CPM: variants seen among roughly 807,000 people sequenced by gnomAD.
The protein encoded by CPM is renal carboxypeptidase.
In CPM, 35 loss-of-function variants were observed where a neutral mutation model predicts 46.4. The observed-to-expected ratio is 0.75, with a 90% CI of 0.58 to 1.00. The LOEUF (loss-of-function observed/expected upper bound fraction) is 1.00. CPM is among the 50% of genes least tolerant of loss of function. The pLI, the probability that CPM is intolerant of heterozygous loss-of-function variation, is 0.00. For missense variants in CPM, 422 were observed against 530.4 expected, an observed-to-expected ratio of 0.80 and a Z score of 2.01; for synonymous variants, 195 against 195.3, an observed-to-expected ratio of 1.00 and a Z score of 0.01.
intron 3 of CPM, among the ~76,000 whole-genome samples, chr12:68,882,051 T>A (rs1428423679): frequency 1.4e-5 from 2 of 141,842 alleles, no homozygotes; most frequent in Non-Finnish European, 3.1e-5. Context: ...TTTTTTAACA[T>A]TTATTTTAAA....
At position 68,870,282 on chromosome 12, in the gene CPM, A is replaced by T; in HGVS notation, c.549T>A (p.Phe183Leu). 6.2e-7 allele frequency: 1 copy of T among 1,614,244 alleles called. No homozygotes were observed. Residue 183 changes from phenylalanine (F) to leucine (L), a missense_variant, in exon 5 of 9, where the codon TTT becomes TTA. Coordinates refer to ENST00000551568, the MANE Select transcript of CPM (RefSeq NM_198320.5). ...CACCATGGAGGTTTGCAGAGAGGAC[A>T]AACGTCTCTGTTTTCAGCCACTTCA... ...AVMKWLKTET[F>L]VLSANLHGGA... is the part of the protein sequence containing the mutation.
At chr12:68,909,124 G>C (rs764324990) in intron 2 of CPM, among the ~76,000 whole-genome samples, 3 of 152,160 alleles carry the variant, frequency 2.0e-5, no homozygotes, top group Non-Finnish European at 2.9e-5. Context: ...TCAGTGGTGG[G>C]ACCATGGCCC....
At chr12:68,960,558 C>T (rs571611283) in intron 1 of CPM, among the ~76,000 whole-genome samples, 8 of 152,280 alleles carry the variant, frequency 5.3e-5, no homozygotes, top group Admixed American at 6.5e-5. Context: ...TTTACTTGTA[C>T]GACCCTTCCC....
chr12:68,900,296 A>G (rs1355725602), intron 2 of CPM, among the ~76,000 whole-genome samples: 6 of 152,242 alleles, frequency 3.9e-5, no homozygotes, highest in Admixed American at 3.9e-4. Context: ...ATGTCACATC[A>G]TATGTCATCA....
Position 68,870,203 on chromosome 12 carries a change from G to C in CPM, c.616+12C>G, listed in dbSNP as rs370036344. On this transcript the variant is annotated intron_variant, in intron 5 of 8. Transcript: ENST00000551568. ...GACTTAAGAAGCCAGAACTGGACCC[G>C]CACCTGCTTACCTTGAACACCATTA... The C allele has an allele frequency of 6.2e-7, 1 of 1,609,240 alleles. No individual in the cohort carries two copies. Among genetic ancestry groups the C allele is most frequent in the South Asian group, 1.1e-5 (1 of 90,356 alleles).
chr12:68,962,007 T>C (rs1039718995), intron 1 of CPM, among the ~76,000 whole-genome samples: 8 of 152,192 alleles, frequency 5.3e-5, no homozygotes, highest in South Asian at 4.1e-4. Flanking sequence ...GAGACCATCC[T>C]GGCTAACGCG....
At chr12:68,938,357 G>A (rs529141019) in intron 1 of CPM, among the ~76,000 whole-genome samples, 7 of 151,694 alleles carry the variant, frequency 4.6e-5, no homozygotes, top group South Asian at 2.1e-4. Context: ...AGCCATGATC[G>A]CATGGCACTC....
At chr12:68,931,226 T>C (rs1450358045) in intron 2 of CPM, among the ~76,000 whole-genome samples, 1 of 152,180 alleles carries the variant, frequency 6.6e-6, no homozygotes, top group Non-Finnish European at 1.5e-5. Flanking sequence ...TTCTTTAATA[T>C]AGAAGCCATA....
intron 7 of CPM, among the ~76,000 whole-genome samples, chr12:68,860,906 G>A (rs1429926978): frequency 6.6e-6 from 1 of 151,150 alleles, no homozygotes; most frequent in Non-Finnish European, 1.5e-5. Flanking sequence ...TTTTAGACAG[G>A]GTCTTGCTCT....
At chr12:68,945,504 G>T (rs910671049) in intron 1 of CPM, among the ~76,000 whole-genome samples, 1 of 152,222 alleles carries the variant, frequency 6.6e-6, no homozygotes, top group African/African-American at 2.4e-5. Context: ...GTTGACAGGG[G>T]GTATAGTTGG....
chr12:68,852,074 G>A lies in CPM; in HGVS notation c.*4363C>T, dbSNP rs369087301. 2.5e-3 allele frequency: 378 copies of A among 152,266 alleles called. No homozygotes were observed. Among genetic ancestry groups the A allele is most frequent in the African/African-American group, 8.4e-3 (349 of 41,566 alleles). The allele number at this position is 152,266 out of a possible 1,614,324, so 9.4% of individuals were successfully genotyped here. A position where few individuals can be genotyped will look rare whatever the true frequency, so the allele number is the denominator to read the frequency against. On this transcript the variant is annotated 3_prime_UTR_variant, in exon 9 of 9. Transcript: ENST00000551568. ...TTTACTTTCTAAACAGAGCTAACTT[G>A]TACCATTTTTAGAAACAGATCACAA... is the stretch of plus-strand genomic sequence containing the variant.
At chr12:68,923,643 A>C (rs1437358377) in intron 2 of CPM, among the ~76,000 whole-genome samples, 1 of 152,248 alleles carries the variant, frequency 6.6e-6, no homozygotes, top group African/African-American at 2.4e-5. Flanking sequence ...TATAAAGCAG[A>C]AATAAAAAAA....
At chr12:68,881,581 C>G (rs1412634708) in intron 3 of CPM, among the ~76,000 whole-genome samples, 1 of 151,864 alleles carries the variant, frequency 6.6e-6, no homozygotes, top group Admixed American at 6.6e-5. Flanking sequence ...TAGCATATCT[C>G]TTTTGGTAAA....
chr12:68,887,886 C>T (rs552192040), intron 2 of CPM, among the ~76,000 whole-genome samples: 3 of 152,278 alleles, frequency 2.0e-5, no homozygotes, highest in South Asian at 4.1e-4. Context: ...AGAGTGATTC[C>T]GAGTTTGCCA....
intron 3 of CPM, among the ~76,000 whole-genome samples, chr12:68,882,020 C>A (rs1255842338): frequency 4.5e-5 from 4 of 89,600 alleles, no homozygotes; most frequent in Admixed American, 3.0e-4. Flanking sequence ...CCACGCCCGG[C>A]CTGCTTTTTT....
chr12:68,910,885 T>C (rs1887567491), intron 2 of CPM, among the ~76,000 whole-genome samples: 1 of 152,206 alleles, frequency 6.6e-6, no homozygotes, highest in African/African-American at 2.4e-5. Context: ...GTTGGTCTTT[T>C]TCCTAAGATA....
At chr12:68,955,469 C>T (rs952303638) in intron 1 of CPM, among the ~76,000 whole-genome samples, 1 of 151,314 alleles carries the variant, frequency 6.6e-6, no homozygotes, top group Admixed American at 6.6e-5. Context: ...TTCTCTTCTT[C>T]TTGTTGCTTA....
At chr12:68,909,912 C>A (rs1341226204) in intron 2 of CPM, among the ~76,000 whole-genome samples, 3 of 151,582 alleles carry the variant, frequency 2.0e-5, no homozygotes, top group African/African-American at 4.9e-5. Context: ...GTGCAGCAAA[C>A]CACCATGGCA....
chr12:68,945,124 G>A (rs1163947657), intron 1 of CPM, among the ~76,000 whole-genome samples: 1 of 152,150 alleles, frequency 6.6e-6, no homozygotes, highest in East Asian at 1.9e-4. Flanking sequence ...AGCAGTAAGG[G>A]ATTATAAAAG....
Sources: gnomAD v4.1 joint callset for allele counts (sites outside exome capture counted in the v4.1 genomes callset) on GRCh38, gnomAD v4.1.1 for gene constraint, MANE v1.5 for transcripts, NCBI Gene and HGNC (gene_info 2026-07-23, HGNC 2026-07-21) for gene names.